Variants in POC1B observed in about 807,000 individuals in gnomAD.
POC1B encodes the protein POC1 centriolar protein B.
A neutral mutation model predicts 60.6 loss-of-function variants in POC1B; 44 were observed. The observed-to-expected ratio is 0.73, with a 90% CI of 0.57 to 0.93. The LOEUF (loss-of-function observed/expected upper bound fraction) is 0.93, where lower values mean the gene tolerates loss of function less well. POC1B is among the 40% of genes least tolerant of loss of function. The pLI is 0.00. For missense variants in POC1B, 555 were observed against 572.3 expected, an observed-to-expected ratio of 0.97 and a Z score of 0.31; for synonymous variants, 180 against 198.9, an observed-to-expected ratio of 0.90 and a Z score of 0.80.
chr12:89,402,781 C>T, the POC1B span, among the ~76,000 whole-genome samples: 1 of 152,124 alleles, frequency 6.6e-6, no homozygotes, highest in African/African-American at 2.4e-5. Context: ...GCTCTTTCAC[C>T]CAGGCTAGAG....
chr12:89,404,057 G>C, the POC1B span, among the ~76,000 whole-genome samples: 2 of 152,108 alleles, frequency 1.3e-5, no homozygotes, highest in South Asian at 4.1e-4. Context: ...GCTTGAACTT[G>C]GGAGGTGGAG....
At chr12:89,483,859 G>A (rs755103934) in intron 4 of POC1B, among the ~76,000 whole-genome samples, 4 of 150,764 alleles carry the variant, frequency 2.7e-5, no homozygotes, top group Non-Finnish European at 5.9e-5. Flanking sequence ...TGGAAACTTG[G>A]ATCTACACAA....
At chr12:89,491,350 G>A (rs1049421838) in intron 4 of POC1B, among the ~76,000 whole-genome samples, 2 of 152,012 alleles carry the variant, frequency 1.3e-5, no homozygotes, top group African/African-American at 4.8e-5. Context: ...CAGGCCCCTT[G>A]TAATAAAAGT....
intron 2 of POC1B, chr12:89,520,270 A>T (rs537829876): frequency 6.6e-6 from 1 of 152,136 alleles, no homozygotes; most frequent in Non-Finnish European, 1.5e-5. Flanking sequence ...TAAAAGCCTC[A>T]TTTCCCTTTT....
Position 89,464,494 on chromosome 12 carries a change from T to TTTC in POC1B, c.1032+2275_1032+2276insGAA, listed in dbSNP as rs1555182317. On this transcript the variant is annotated intron_variant, in intron 9 of 11. Coordinates refer to ENST00000313546, the MANE Select transcript of POC1B (RefSeq NM_172240.3). ...ACTTTTTTATAAGAGTTTTTTTTTT[T>TTTC]TTTTTTTTTTTGAGACGGAGTCTTG... is the stretch of plus-strand genomic sequence containing the variant. 4.9e-5 allele frequency among the ~76,000 whole-genome samples: 7 copies of TTTC among 142,994 alleles called. 1 individual carries two copies. In the Admixed American group the frequency reaches 4.9e-4, roughly 10 times the overall value. 93.8% of individuals were successfully genotyped at this position (142,994 alleles called of 152,430 possible).
intron 4 of POC1B, among the ~76,000 whole-genome samples, chr12:89,475,622 C>T (rs775512435): frequency 1.3e-5 from 2 of 152,102 alleles, no homozygotes; most frequent in East Asian, 1.9e-4. Flanking sequence ...AGTCCTTTAT[C>T]GTCAGGGCTC....
At chr12:89,496,083 C>T (rs1334088589) in intron 3 of POC1B, among the ~76,000 whole-genome samples, 1 of 152,074 alleles carries the variant, frequency 6.6e-6, no homozygotes, top group Non-Finnish European at 1.5e-5. Context: ...TTATTACATA[C>T]TCACTATAAT....
chr12:89,402,532 T>C, the POC1B span, among the ~76,000 whole-genome samples: 5 of 152,042 alleles, frequency 3.3e-5, no homozygotes, highest in African/African-American at 1.2e-4. Flanking sequence ...CACCCTCCAC[T>C]CTCTAGTAGA....
chr12:89,434,454 G>T (rs1881166928), intron 10 of POC1B, among the ~76,000 whole-genome samples: 1 of 152,164 alleles, frequency 6.6e-6, no homozygotes, highest in African/African-American at 2.4e-5. Flanking sequence ...TTAATGGGTA[G>T]TATACAGCTA....
At chr12:89,414,778 A>C (rs1011829996), downstream of POC1B, among the ~76,000 whole-genome samples, 6 of 152,294 alleles carry the variant, frequency 3.9e-5, no homozygotes, top group African/African-American at 1.4e-4. Context: ...TTGTCTCAGC[A>C]GCCAACTATT....
Position 89,472,172 on chromosome 12 carries a change from C to T in POC1B, c.556G>A (p.Val186Ile), listed in dbSNP as rs760262938. The T allele has an allele frequency of 7.6e-6, 12 of 1,571,354 alleles. No homozygotes were observed. The highest frequency in any genetic ancestry group is 2.3e-5 in the South Asian group (2 of 88,608). The change falls in exon 5 of 12, where the codon GTT becomes ATT. Residue 186 changes from valine to isoleucine, a missense_variant. Physicochemically the swap from Val to Ile is conservative, Grantham distance 29. Coordinates refer to ENST00000313546, the MANE Select transcript of POC1B (RefSeq NM_172240.3). ...GCACAAAGAAAGTGTACTTACCCAA[C>T]GGAATCTGAGAAGTTATTAACACAT... ...KQCVNNFSDS[V>I]GFANFVDFNP...
chr12:89,525,420 CA>C, intron 1 of POC1B: 1 of 1,383,210 alleles, frequency 7.2e-7, no homozygotes, highest in East Asian at 2.9e-5. Context: ...GCAGAGCCCG[CA>C]AAACGCTCTG....
chr12:89,455,670 C>T (rs1041313571), intron 10 of POC1B, among the ~76,000 whole-genome samples: 1 of 152,070 alleles, frequency 6.6e-6, no homozygotes, highest in Non-Finnish European at 1.5e-5. Context: ...GGATTTTTTT[C>T]TATAACATAA....
intron 1 of POC1B, chr12:89,525,456 A>C: frequency 1.5e-6 from 2 of 1,350,486 alleles, no homozygotes; most frequent in Non-Finnish European, 1.9e-6. Context: ...AGTCCAGCGC[A>C]TCGCAGGAAC....
At chr12:89,445,595 C>T (rs1881746981) in intron 10 of POC1B, among the ~76,000 whole-genome samples, 1 of 152,122 alleles carries the variant, frequency 6.6e-6, no homozygotes, top group South Asian at 2.1e-4. Context: ...ACACCTTATA[C>T]AAAAATTAAT....
chr12:89,471,768 C>G (rs188596141), intron 5 of POC1B, 39 bp from the exon 6 acceptor site: 1 of 819,866 alleles, frequency 1.2e-6, no homozygotes, highest in East Asian at 3.1e-5. Flanking sequence ...ATTTCAATTT[C>G]TTTTTTTTTT....
chr12:89,456,837 A>C (rs1202316993), intron 10 of POC1B, among the ~76,000 whole-genome samples: 2 of 152,196 alleles, frequency 1.3e-5, no homozygotes, highest in Admixed American at 6.5e-5. Flanking sequence ...ATATCAGTAC[A>C]CTTCGATCTA....
chr12:89,417,502 T>C (rs1279380425), downstream of POC1B, among the ~76,000 whole-genome samples: 2 of 152,240 alleles, frequency 1.3e-5, no homozygotes, highest in Admixed American at 6.5e-5. Context: ...GTTGCTCAAA[T>C]AAACTTTAAA....
rs749981375 is a variant in POC1B, at chr12:89,521,105, TA to T, written c.100+4014del. On this transcript the variant is annotated intron_variant, in intron 2 of 11. Coordinates refer to ENST00000313546, the MANE Select transcript of POC1B (RefSeq NM_172240.3). ...GGTGAGTTCAGCTCACTTATTTTAT[TA>T]TTATTTTTTTTTTTTGAGACAGAGT... 245 of 97,288 alleles carry T rather than the reference TA, an allele frequency of 2.5e-3. 26 individuals carry two copies. The highest frequency in any genetic ancestry group is 7.5e-3 in the South Asian group (20 of 2,652). 6.0% of individuals were successfully genotyped at this position (97,288 alleles called of 1,614,324 possible).
Sources: gnomAD v4.1 joint callset for allele counts (sites outside exome capture counted in the v4.1 genomes callset) on GRCh38, gnomAD v4.1.1 for gene constraint, MANE v1.5 for transcripts, NCBI Gene and HGNC (gene_info 2026-07-23, HGNC 2026-07-21) for gene names.